Variants in PRR11 observed in about 807,000 individuals in gnomAD.
PRR11 encodes proline-rich protein 11.
In PRR11, 30 loss-of-function variants were observed where a neutral mutation model predicts 45.6. The ratio of observed to expected loss-of-function variants is 0.66; its 90% CI spans 0.49 to 0.89. PRR11 has a LOEUF of 0.89. Ranked by LOEUF, PRR11 falls within the 40% of genes least tolerant of loss-of-function variation. The probability of loss-of-function intolerance (pLI) is 0.00; values close to 1 mark genes in which losing one functional copy is unlikely to be tolerated. For missense variants in PRR11, 373 were observed against 424.8 expected, an observed-to-expected ratio of 0.88 and a Z score of 1.07; for synonymous variants, 128 against 153.5, an observed-to-expected ratio of 0.83 and a Z score of 1.23.
intron 2 of PRR11, chr17:59,174,997 G>T (rs536092645): frequency 3.0e-5 from 22 of 737,972 alleles, no homozygotes; most frequent in Non-Finnish European, 4.8e-5. Context: ...GCCCTCCAGC[G>T]CATGGAACGG....
chr17:59,181,744 G>A, intron 2 of PRR11: 1 of 1,557,616 alleles, frequency 6.4e-7, no homozygotes, highest in Non-Finnish European at 8.7e-7. Flanking sequence ...ATCTACCCCA[G>A]GGGCTGAGTA....
intron 2 of PRR11, among the ~76,000 whole-genome samples, chr17:59,172,028 T>G (rs1944521873): frequency 6.6e-6 from 1 of 152,178 alleles, no homozygotes; most frequent in Non-Finnish European, 1.5e-5. Flanking sequence ...ACAACAATTT[T>G]GAAGCTATTT....
At position 59,169,764 on chromosome 17, in the gene PRR11, C is replaced by A; in HGVS notation, c.12C>A (p.Phe4Leu). MPK[F>L]KQRRRKLKAK... ...TCTCTGCAGAAATCATGCCCAAGTT[C>A]AAACAACGAAGACGAAAGCTAAAAG... The change falls in exon 2 of 10, where the codon TTC becomes TTA. Residue 4 changes from phenylalanine (F) to leucine (L), a missense_variant. Phe to Leu is a conservative substitution (Grantham distance 22). Transcript: ENST00000262293. 1 of 1,590,740 alleles carries A rather than the reference C, an allele frequency of 6.3e-7. No individual in the cohort carries two copies. The highest frequency in any genetic ancestry group is 1.2e-5 in the South Asian group (1 of 85,604).
At chr17:59,192,598 G>A (rs1453699595) in intron 4 of PRR11, among the ~76,000 whole-genome samples, 4 of 152,138 alleles carry the variant, frequency 2.6e-5, no homozygotes, top group Non-Finnish European at 4.4e-5. Context: ...GTAGATGGCT[G>A]TCTTCGCTCT....
At chr17:59,165,313 C>A (rs962584555) in intron 1 of PRR11, among the ~76,000 whole-genome samples, 1 of 151,886 alleles carries the variant, frequency 6.6e-6, no homozygotes, top group Non-Finnish European at 1.5e-5. Context: ...AGCCACCGCG[C>A]GTCCGGTCTG....
Position 59,174,864 on chromosome 17 carries a change from A to C in PRR11, c.128+4984A>C, listed in dbSNP as rs564175780. On this transcript the variant is annotated intron_variant, in intron 2 of 9. Transcript: ENST00000262293. ...GGAAAAACAAACGCCCCTTAAGAAG[A>C]TGGGGACTCCCCAGGATACCCCTCC... The C allele has an allele frequency of 1.3e-5, 16 of 1,237,470 alleles. No homozygotes were observed. In the African/African-American group the frequency reaches 2.1e-4, roughly 16 times the overall value. The allele number at this position is 1,237,470 out of a possible 1,614,324, so 76.7% of individuals were successfully genotyped here. A position where few individuals can be genotyped will look rare whatever the true frequency, so the allele number is the denominator to read the frequency against.
At chr17:59,193,080 T>C (rs188724511) in intron 4 of PRR11, among the ~76,000 whole-genome samples, 1 of 152,318 alleles carries the variant, frequency 6.6e-6, no homozygotes, top group East Asian at 1.9e-4. Context: ...CAAGTGTGTT[T>C]GTGCATGTTT....
chr17:59,161,689 C>T (rs1308154863), intron 1 of PRR11, among the ~76,000 whole-genome samples: 2 of 152,162 alleles, frequency 1.3e-5, no homozygotes, highest in African/African-American at 4.8e-5. Context: ...GTCAAAGCTG[C>T]AGAGAGCTGA....
chr17:59,188,292 AG>A (rs2147851186), intron 4 of PRR11, among the ~76,000 whole-genome samples: 1 of 152,314 alleles, frequency 6.6e-6, no homozygotes, highest in South Asian at 2.1e-4. Flanking sequence ...AAAGACCAAA[AG>A]TTTTGGAGAA....
chr17:59,195,136 AT>A, intron 6 of PRR11, among the ~76,000 whole-genome samples, 194 bp from the exon 7 acceptor site: 1 of 152,266 alleles, frequency 6.6e-6, no homozygotes, highest in East Asian at 1.9e-4. Context: ...AAATGATTTA[AT>A]TAGGCAATTT....
chr17:59,197,671 G>A (rs1298833531), intron 8 of PRR11, 22 bp from the exon 9 acceptor site: 18 of 1,611,308 alleles, frequency 1.1e-5, no homozygotes, highest in Middle Eastern at 1.6e-4. Context: ...TACAGCTACT[G>A]TTATTTTCAA....
intron 4 of PRR11, among the ~76,000 whole-genome samples, chr17:59,187,561 C>T (rs1001978762): frequency 6.6e-6 from 1 of 151,246 alleles, no homozygotes; most frequent in African/African-American, 2.4e-5. Flanking sequence ...CAGAGCAAGA[C>T]TCCATCTCAA....
chr17:59,165,116 G>A (rs1208688064), intron 1 of PRR11, among the ~76,000 whole-genome samples: 1 of 151,934 alleles, frequency 6.6e-6, no homozygotes, highest in Non-Finnish European at 1.5e-5. Flanking sequence ...CGCCTCCCAG[G>A]TTCACACCAT....
At chr17:59,163,018 C>CA (rs997279865) in intron 1 of PRR11, among the ~76,000 whole-genome samples, 1 of 151,914 alleles carries the variant, frequency 6.6e-6, no homozygotes, top group Non-Finnish European at 1.5e-5. Flanking sequence ...CATGAGCCAC[C>CA]ACACCTGGCC....
chr17:59,164,486 T>G (rs2046669451), intron 1 of PRR11, among the ~76,000 whole-genome samples: 1 of 151,972 alleles, frequency 6.6e-6, no homozygotes, highest in African/African-American at 2.4e-5. Context: ...GCACAGGAGT[T>G]TAAGACCAGC....
intron 2 of PRR11, chr17:59,174,892 CCCCTTGT>C (rs2046734772): frequency 8.6e-7 from 1 of 1,169,006 alleles, no homozygotes; most frequent in African/African-American, 1.5e-5. Flanking sequence ...ACCCCTCCCT[CCCCTTGT>C]CCAGCCTCCA....
intron 1 of PRR11, among the ~76,000 whole-genome samples, chr17:59,169,072 C>T (rs1034756250): frequency 6.7e-6 from 1 of 149,986 alleles, no homozygotes; most frequent in African/African-American, 2.5e-5. Context: ...TCAGTAGATG[C>T]TGCTGGTAAA....
rs2147853941 is a variant in PRR11 at position 59,193,494 on chromosome 17, C to T, written c.405C>T (p.Thr135=). Residue 135 remains threonine, a splice_region_variant and synonymous_variant, in exon 5 of 10, where the codon ACC becomes ACT. Coordinates refer to ENST00000262293, the MANE Select transcript of PRR11 (RefSeq NM_018304.4). ...CCAAATGTGATGTCTTCTTCCAGACCATCTCAGAAAGTTCTTCCTGTCCAA... is the reference window on the plus strand; with the variant it reads ...CCAAATGTGATGTCTTCTTCCAGACTATCTCAGAAAGTTCTTCCTGTCCAA... ...KLCKLQEALK[T]ISESSSCPSC... 6.2e-7 allele frequency: 1 copy of T among 1,614,054 alleles called. No homozygotes were observed. Among genetic ancestry groups the T allele is most frequent in the Non-Finnish European group, 8.5e-7 (1 of 1,179,978 alleles).
chr17:59,193,218 C>T (rs560177900), intron 4 of PRR11, among the ~76,000 whole-genome samples: 18 of 152,234 alleles, frequency 1.2e-4, no homozygotes, highest in African/African-American at 4.3e-4. Flanking sequence ...GCCTTCTGTG[C>T]ATGTTTAATG....
Sources: allele counts gnomAD v4.1 joint callset (sites outside exome capture counted in the v4.1 genomes callset), GRCh38; gene constraint gnomAD v4.1.1; transcripts MANE v1.5; gene names NCBI Gene and HGNC (gene_info 2026-07-23, HGNC 2026-07-21).